Variants in MYO18A observed in about 807,000 individuals in gnomAD.
MYO18A encodes the protein unconventional myosin-XVIIIa.
MYO18A carries 78 observed loss-of-function variants against 235.8 expected under a neutral mutation model. That is an observed-to-expected ratio of 0.33 (90% CI 0.28 to 0.40). MYO18A has a LOEUF of 0.40. MYO18A is among the 10% of genes least tolerant of loss of function. The pLI is 1.00. For synonymous variants in MYO18A, 977 were observed against 1,077.8 expected, an observed-to-expected ratio of 0.91 and a Z score of 1.83; for missense variants, 2,215 against 2,699.3, an observed-to-expected ratio of 0.82 and a Z score of 3.98.
intron 39 of MYO18A, among the ~76,000 whole-genome samples, chr17:29,085,920 AG>A (rs1217796605): frequency 6.6e-6 from 1 of 152,194 alleles, no homozygotes; most frequent in African/African-American, 2.4e-5. Context: ...TAAGGTGGGA[AG>A]GGGGCAGATC....
At chr17:29,173,419 TG>T (rs920152860) in intron 1 of MYO18A, among the ~76,000 whole-genome samples, 25 of 138,682 alleles carry the variant, frequency 1.8e-4, no homozygotes, top group Non-Finnish European at 2.6e-4. Flanking sequence ...GACGCAGTCT[TG>T]CTCTTTCACC....
At chr17:29,110,137 G>C in intron 18 of MYO18A, 36 bp from the exon 19 acceptor site, 1 of 1,596,412 alleles carries the variant, frequency 6.3e-7, no homozygotes, top group Non-Finnish European at 8.5e-7. Context: ...AGTGGGCTCT[G>C]ATGGCCTGTG....
intron 41 of MYO18A, chr17:29,076,640 G>A (rs1234367382): frequency 6.6e-6 from 1 of 152,196 alleles, no homozygotes; most frequent in African/African-American, 2.4e-5. Context: ...GGGACTCTGG[G>A]GGGGTTTCTA....
At chr17:29,097,478 T>C in intron 26 of MYO18A, 128 bp from the exon 27 acceptor site, 1 of 1,274,920 alleles carries the variant, frequency 7.8e-7, no homozygotes, top group South Asian at 1.4e-5. Context: ...CTCTCTGCAA[T>C]GATGGCTTCC....
At chr17:29,115,964 G>A in intron 11 of MYO18A, 124 bp from the exon 12 acceptor site, 2 of 1,082,328 alleles carry the variant, frequency 1.8e-6, no homozygotes, top group Non-Finnish European at 2.6e-6. Context: ...GACACCCGAT[G>A]GGCTTCAGGC....
chr17:29,079,838 C>T (rs2066073287), intron 41 of MYO18A: 1 of 986,060 alleles, frequency 1.0e-6, no homozygotes, highest in Non-Finnish European at 1.2e-6. Flanking sequence ...CCAGTTTCTT[C>T]ACTTTCTGCA....
Position 29,167,016 on chromosome 17 carries a change from T to C in MYO18A, c.-76A>G. 2 of 1,450,068 alleles carry C rather than the reference T, an allele frequency of 1.4e-6. No individual in the cohort carries two copies. Among genetic ancestry groups the C allele is most frequent in the African/African-American group, 1.4e-5 (1 of 69,886 alleles). 89.8% of individuals were successfully genotyped at this position (1,450,068 alleles called of 1,614,324 possible). A position where few individuals can be genotyped will look rare whatever the true frequency, so the allele number is the denominator to read the frequency against. ...TAGCACAGGGCCTTGGTGCCCCACT[T>C]TGCTGCTGCAAACAGAAACACACAG... On this transcript the variant is annotated 5_prime_UTR_variant, in exon 2 of 42. Transcript: ENST00000527372.
chr17:29,093,680 G>C (rs1379420170), intron 31 of MYO18A, among the ~76,000 whole-genome samples: 2 of 151,956 alleles, frequency 1.3e-5, no homozygotes, highest in African/African-American at 4.8e-5. Flanking sequence ...GCATGGTGGA[G>C]ACCTGCCCGG....
At chr17:29,122,750 T>C (rs2067231268) in intron 2 of MYO18A, among the ~76,000 whole-genome samples, 1 of 152,232 alleles carries the variant, frequency 6.6e-6, no homozygotes, top group Admixed American at 6.5e-5. Context: ...TGTCCTCAGA[T>C]CTCAGCGGGG....
chr17:29,074,763 C>T lies in MYO18A; in HGVS notation c.*7G>A. 5 of 1,613,902 alleles carry T rather than the reference C, an allele frequency of 3.1e-6. No homozygotes were observed. Among genetic ancestry groups the T allele is most frequent in the Non-Finnish European group, 4.2e-6 (5 of 1,179,850 alleles). On this transcript the variant is annotated 3_prime_UTR_variant, in exon 42 of 42. Coordinates refer to ENST00000527372, the MANE Select transcript of MYO18A (RefSeq NM_078471.4). The surrounding 1 kb of genome is among the most constrained non-coding windows in gnomAD (Gnocchi z 4.4). ...GGGGTGAGAGGGCTGCCAACCACTC[C>T]CCTGGGCTATGCGTTAGTCTCCGTC...
chr17:29,159,002 G>A (rs2068117098), intron 2 of MYO18A, among the ~76,000 whole-genome samples: 1 of 152,060 alleles, frequency 6.6e-6, no homozygotes, highest in Non-Finnish European at 1.5e-5. Context: ...TTAAGACCCT[G>A]CCCCTGCACC....
chr17:29,100,562 A>G (rs1198845297), intron 21 of MYO18A, among the ~76,000 whole-genome samples: 3 of 152,158 alleles, frequency 2.0e-5, no homozygotes, highest in African/African-American at 7.2e-5. Context: ...TGCCGCCCTG[A>G]GATAGGGCTC....
chr17:29,111,445 CG>C lies in MYO18A; in HGVS notation c.2878del (p.Arg960GlyfsTer66). ...TTACTTCTGGGAGTCCTGCAGGAGC[CG>C]GGGGGCATTCTGGGTGGCTGGGTTC... ...KQNPATQNAPRLLQDSQKKII... is the reference protein window; with the variant it reads ...KQNPATQNAPXLLQDSQKKII... On this transcript the variant is annotated frameshift_variant, in exon 17 of 42. Coordinates refer to ENST00000527372, the MANE Select transcript of MYO18A (RefSeq NM_078471.4). LOFTEE classifies it high-confidence loss of function. The surrounding 1 kb of genome is among the most constrained non-coding windows in gnomAD (Gnocchi z 5.1). 6.2e-7 allele frequency: 1 copy of C among 1,612,224 alleles called. No individual in the cohort carries two copies. The highest frequency in any genetic ancestry group is 8.5e-7 in the Non-Finnish European group (1 of 1,179,264).
At chr17:29,080,125 C>T (rs542645133) in intron 41 of MYO18A, 8 of 985,956 alleles carry the variant, frequency 8.1e-6, no homozygotes, top group East Asian at 2.3e-4. Flanking sequence ...GGCGGAGCGG[C>T]GGATGCTGGC....
intron 22 of MYO18A, among the ~76,000 whole-genome samples, 161 bp downstream of exon 22, chr17:29,099,473 G>T (rs35309073): frequency 2.6e-5 from 4 of 152,098 alleles, no homozygotes; most frequent in Non-Finnish European, 5.9e-5. Flanking sequence ...GGGCACACCA[G>T]CACACTTGCT....
At chr17:29,127,773 G>T in intron 2 of MYO18A, 1 of 864,450 alleles carries the variant, frequency 1.2e-6, no homozygotes, top group Non-Finnish European at 1.4e-6. Context: ...AGGTCGCTTG[G>T]GGAAGCCGGC....
At position 29,086,419 on chromosome 17, in the gene MYO18A, C is replaced by T. The variant is rs192923334; in HGVS notation, c.5852+19G>A. The T allele has an allele frequency of 4.4e-4, 696 of 1,580,980 alleles. 6 individuals carry two copies. In the Admixed American group the frequency reaches 0.011, roughly 26 times the overall value. On this transcript the variant is annotated intron_variant, in intron 39 of 41. Transcript: ENST00000527372. ...GGGCCTCCGTGCTAGCTGCAGATGC[C>T]CCAGAGGCCACTTCTCACCTGTTGA...
In MYO18A at chr17:29,154,131, T is replaced by C. The variant is rs534474347; in HGVS notation, c.999+11811A>G. ...GTGTGTGTGTGTGTGTGCGCGCGCGTGCGTGTGTATGTGGCGCCTAGGCCA... is the reference window on the plus strand; with the variant it reads ...GTGTGTGTGTGTGTGTGCGCGCGCGCGCGTGTGTATGTGGCGCCTAGGCCA... On this transcript the variant is annotated intron_variant, in intron 2 of 41. Coordinates refer to ENST00000527372, the MANE Select transcript of MYO18A (RefSeq NM_078471.4). Among the ~76,000 whole-genome samples the C allele has an allele frequency of 4.3e-3, 658 of 151,656 alleles. 8 individuals carry two copies. Among genetic ancestry groups the C allele is most frequent in the African/African-American group, 0.014 (584 of 41,206 alleles).
In MYO18A at chr17:29,086,463, C is replaced by G; in HGVS notation, c.5827G>C (p.Asp1943His). 6.2e-7 allele frequency: 1 copy of G among 1,606,998 alleles called. No individual in the cohort carries two copies. Among genetic ancestry groups the G allele is most frequent in the South Asian group, 1.1e-5 (1 of 89,642 alleles). ...QAAIEDEMES[D>H]ENEDLINSLQ... The stretch of plus-strand genomic sequence containing the variant: ...CTGTTGATGAGGTCCTCATTCTCAT[C>G]ACTCTCCATCTCATCCTCAATGGCA... The change falls in exon 39 of 42, where the codon GAT (aspartate) becomes CAT (histidine). Residue 1943 changes from aspartate (D) to histidine (H), a missense_variant. Physicochemically the swap from Asp to His is moderately conservative, Grantham distance 81. Coordinates refer to ENST00000527372, the MANE Select transcript of MYO18A (RefSeq NM_078471.4).
Sources: gnomAD v4.1 joint callset for allele counts (sites outside exome capture counted in the v4.1 genomes callset) on GRCh38, gnomAD v4.1.1 for gene constraint, Gnocchi (gnomAD v3.1) non-coding constraint, MANE v1.5 for transcripts, NCBI Gene and HGNC (gene_info 2026-07-23, HGNC 2026-07-21) for gene names.